Variants in BBOF1 observed in about 807,000 individuals in gnomAD.
BBOF1 encodes the protein basal body orientation factor 1, also known as basal body-orientation factor 1.
Under a neutral mutation model 68.0 loss-of-function variants are expected in BBOF1, and 62 were observed. The ratio of observed to expected loss-of-function variants is 0.91; its 90% CI spans 0.74 to 1.13. BBOF1 has a LOEUF of 1.13. BBOF1 is among the 50% of genes most tolerant of loss of function. The pLI is 0.00. For missense variants in BBOF1, 534 were observed against 600.1 expected (o/e 0.89, Z 1.15); for synonymous variants, 208 against 198.8 (o/e 1.05, Z -0.39).
intron 1 of BBOF1, among the ~76,000 whole-genome samples, chr14:74,021,427 A>G (rs982677157): frequency 6.6e-6 from 1 of 151,984 alleles, no homozygotes; most frequent in Admixed American, 6.6e-5. Flanking sequence ...CTCTACAAAA[A>G]TTTTTATTAA....
At chr14:74,069,292 C>T (rs62005117), downstream of BBOF1, 36 of 347,436 alleles carry the variant, frequency 1.0e-4, no homozygotes, top group East Asian at 7.7e-4. Flanking sequence ...TTAGTAGACA[C>T]GGGGTTTCAC....
chr14:74,079,215 G>A (rs75217841), intron 10 of BBOF1, among the ~76,000 whole-genome samples: 16,955 of 151,256 alleles, frequency 0.11, 1,282 homozygotes, highest in Admixed American at 0.19. Context: ...AGTAGCTCAC[G>A]CCTGTAATCC....
intron 3 of BBOF1, among the ~76,000 whole-genome samples, chr14:74,030,184 T>G (rs1195628910): frequency 6.6e-6 from 1 of 152,054 alleles, no homozygotes; most frequent in Non-Finnish European, 1.5e-5. Flanking sequence ...CTTTTGATTT[T>G]TAGAGGTTGC....
At chr14:74,049,627 C>T (rs2060021739) in intron 7 of BBOF1, 75 bp from the exon 8 acceptor site, 3 of 1,293,686 alleles carry the variant, frequency 2.3e-6, no homozygotes, top group East Asian at 2.5e-5. Context: ...GTGCCACTGC[C>T]CTCCAGCCTG....
At chr14:74,027,271 A>G (rs8019601) in intron 2 of BBOF1, among the ~76,000 whole-genome samples, 151,558 of 151,558 alleles carry the variant, frequency 1, 75,779 homozygotes, top group Non-Finnish European at 1. Flanking sequence ...GTTTGTAGTA[A>G]AGACGGGGTT....
At chr14:74,044,260 A>AAAAT (rs145928186) in intron 5 of BBOF1, among the ~76,000 whole-genome samples, 2,031 of 150,770 alleles carry the variant, frequency 0.013, 44 homozygotes, top group African/African-American at 0.045. Context: ...CAATAATAAT[A>AAAAT]AAATAAATAA....
chr14:74,026,937 A>AT (rs1172823024), intron 2 of BBOF1, among the ~76,000 whole-genome samples: 1 of 152,062 alleles, frequency 6.6e-6, no homozygotes, highest in Non-Finnish European at 1.5e-5. Flanking sequence ...AAGGAAAAAA[A>AT]AAAAATGGCA....
downstream of BBOF1, chr14:74,067,341 G>T: frequency 6.2e-7 from 1 of 1,610,768 alleles, no homozygotes; most frequent in South Asian, 1.1e-5. Context: ...TAATGCCACA[G>T]ATGCAAAATC....
At chr14:74,055,462 T>C (rs1334986544) in intron 8 of BBOF1, 122 bp from the exon 9 acceptor site, 1 of 703,520 alleles carries the variant, frequency 1.4e-6, no homozygotes, top group Non-Finnish European at 2.4e-6. Flanking sequence ...AGTTGTTTCA[T>C]AATATTCAAT....
intron 9 of BBOF1, chr14:74,071,383 C>A: frequency 6.2e-7 from 1 of 1,614,070 alleles, no homozygotes; most frequent in Non-Finnish European, 8.5e-7. Flanking sequence ...TGGAGCAATG[C>A]CTGCACACAC....
intron 8 of BBOF1, among the ~76,000 whole-genome samples, chr14:74,051,280 G>A (rs192716993): frequency 8.6e-5 from 13 of 151,408 alleles, no homozygotes; most frequent in Admixed American, 2.0e-4. Flanking sequence ...TTAGCTGGGC[G>A]TGGTGGCGGG....
At chr14:74,064,435 A>C (rs2060425260) in intron 11 of BBOF1, among the ~76,000 whole-genome samples, 1 of 152,174 alleles carries the variant, frequency 6.6e-6, no homozygotes, top group African/African-American at 2.4e-5. Flanking sequence ...CACACTACCC[A>C]GCACTGAGGG....
chr14:74,057,779 C>A (rs1595096245), intron 11 of BBOF1: 1 of 1,090,802 alleles, frequency 9.2e-7, no homozygotes, highest in East Asian at 7.7e-5. Flanking sequence ...GACTTTTTAG[C>A]CGCGATCACA....
chr14:74,075,689 G>A (rs1194783311), intron 9 of BBOF1, among the ~76,000 whole-genome samples: 2 of 151,730 alleles, frequency 1.3e-5, no homozygotes. Flanking sequence ...ATAAATATAA[G>A]TAATAGAGTA....
chr14:74,076,520 C>T (rs1335813314), intron 9 of BBOF1, among the ~76,000 whole-genome samples: 2 of 151,902 alleles, frequency 1.3e-5, no homozygotes, highest in East Asian at 3.9e-4. Flanking sequence ...TGCCACCACG[C>T]CCAGCTAATT....
intron 8 of BBOF1, among the ~76,000 whole-genome samples, chr14:74,051,042 G>A (rs147874690): frequency 0.055 from 8,387 of 151,616 alleles, 705 homozygotes; most frequent in African/African-American, 0.18. Flanking sequence ...TCAGGAGTTC[G>A]AGACCAGCCT....
chr14:74,019,639 T>C, intron 1 of BBOF1, 105 bp downstream of exon 1: 1 of 1,508,532 alleles, frequency 6.6e-7, no homozygotes, highest in Middle Eastern at 1.7e-4. Flanking sequence ...TCGGACCCTC[T>C]CCCCGGCTCT....
At chr14:74,078,796 T>A (rs10150622) in intron 10 of BBOF1, among the ~76,000 whole-genome samples, 1 of 151,808 alleles carries the variant, frequency 6.6e-6, no homozygotes, top group African/African-American at 2.4e-5. Flanking sequence ...CCCAAAGTGC[T>A]GGGATTACAG....
Position 74,056,957 on chromosome 14 carries a change from C to T in BBOF1, c.1440C>T (p.Asp480=), listed in dbSNP as rs774259468. The part of the protein sequence containing the change: ...RPPVPDYVVS[D]SGETKEFGDE... ...CAGTTCCAGACTATGTTGTTTCTGA[C>T]AGTGGGGAAACAAAGGAATTTGGGT... The change falls in exon 10 of 12, where the codon GAC becomes GAT. Residue 480 remains aspartate, a synonymous_variant. Transcript: ENST00000394009. 1.2e-6 allele frequency: 2 copies of T among 1,613,588 alleles called. No individual in the cohort carries two copies. Among genetic ancestry groups the T allele is most frequent in the Non-Finnish European group, 1.7e-6 (2 of 1,179,706 alleles).
Sources: allele counts gnomAD v4.1 joint callset (sites outside exome capture counted in the v4.1 genomes callset), GRCh38; gene constraint gnomAD v4.1.1; transcripts MANE v1.5; gene names NCBI Gene and HGNC (gene_info 2026-07-23, HGNC 2026-07-21).